Variants in FANCC observed in about 807,000 individuals in gnomAD.
FANCC encodes FA complementation group C, also known as Fanconi anemia group C protein.
FANCC carries 55 observed loss-of-function variants against 71.3 expected under a neutral mutation model. That is an observed-to-expected ratio of 0.77 (90% confidence interval 0.62 to 0.97). The LOEUF is 0.97. FANCC is among the 50% of genes least tolerant of loss of function. The pLI, the probability that FANCC is intolerant of heterozygous loss-of-function variation, is 0.00. For synonymous variants in FANCC, 275 were observed against 244.9 expected, an observed-to-expected ratio of 1.12 and a Z score of -1.15; for missense variants, 678 against 670.9, an observed-to-expected ratio of 1.01 and a Z score of -0.12.
intron 4 of FANCC, among the ~76,000 whole-genome samples, chr9:95,173,762 A>G (rs750878445): frequency 6.6e-6 from 1 of 152,042 alleles, no homozygotes; most frequent in Non-Finnish European, 1.5e-5. Context: ...TAAAAAATAC[A>G]AAAAAATTAG....
Position 95,209,022 on chromosome 9 carries a change from G to A in FANCC, c.345+31627C>T, listed in dbSNP as rs549631217. ...CTTGAAAGCAACCAAGATGACCTTC[G>A]GTAGGTGAATGGATAAGCTGTAATA... On this transcript the variant is annotated intron_variant, in intron 4 of 14. Coordinates refer to ENST00000289081, the MANE Select transcript of FANCC (RefSeq NM_000136.3). 5.3e-5 allele frequency among the ~76,000 whole-genome samples: 8 copies of A among 152,140 alleles called. No homozygotes were observed. In the South Asian group the frequency reaches 1.7e-3, roughly 32 times the overall value.
At chr9:95,237,803 A>AG (rs1830409607) in intron 4 of FANCC, among the ~76,000 whole-genome samples, 1 of 152,252 alleles carries the variant, frequency 6.6e-6, no homozygotes, top group Admixed American at 6.5e-5. Flanking sequence ...TTAGCGTAAC[A>AG]TACACAGTGG....
intron 8 of FANCC, among the ~76,000 whole-genome samples, chr9:95,132,180 G>C (rs974716296): frequency 6.6e-6 from 1 of 152,182 alleles, no homozygotes; most frequent in Admixed American, 6.5e-5. Context: ...GCAAATGGGA[G>C]GGCATGAGAA....
At chr9:95,300,756 A>G (rs1834673514) in intron 1 of FANCC, among the ~76,000 whole-genome samples, 1 of 152,266 alleles carries the variant, frequency 6.6e-6, no homozygotes, top group South Asian at 2.1e-4. Context: ...TTGTTACACC[A>G]AATATTACTG....
chr9:95,244,698 A>C (rs1380761957), intron 3 of FANCC, among the ~76,000 whole-genome samples: 9 of 148,998 alleles, frequency 6.0e-5, no homozygotes, highest in Admixed American at 3.3e-4. Context: ...AAAAAAAAAA[A>C]AAAAAAAAAA....
chr9:95,239,061 T>C (rs1158940733), intron 4 of FANCC, among the ~76,000 whole-genome samples: 2 of 152,196 alleles, frequency 1.3e-5, no homozygotes, highest in Non-Finnish European at 2.9e-5. Context: ...ATACTTTGCA[T>C]AGTCTGTTTC....
chr9:95,295,921 A>G (rs981862306), intron 1 of FANCC, among the ~76,000 whole-genome samples: 1 of 152,236 alleles, frequency 6.6e-6, no homozygotes, highest in Non-Finnish European at 1.5e-5. Context: ...ATGGCTAACA[A>G]TATTATGCTG....
intron 1 of FANCC, chr9:95,293,210 CAA>C: frequency 6.2e-7 from 1 of 1,612,864 alleles, no homozygotes; most frequent in Non-Finnish European, 8.5e-7. Flanking sequence ...GAGATAGCCT[CAA>C]AAGTTGCTTT....
At chr9:95,300,617 A>AT (rs994589704) in intron 1 of FANCC, among the ~76,000 whole-genome samples, 4 of 151,540 alleles carry the variant, frequency 2.6e-5, no homozygotes, top group African/African-American at 4.8e-5. Flanking sequence ...CGCCTGGCTA[A>AT]TTTTTTTTTG....
chr9:95,146,363 C>T (rs751895027), intron 7 of FANCC, among the ~76,000 whole-genome samples: 7 of 151,556 alleles, frequency 4.6e-5, no homozygotes, highest in Non-Finnish European at 1.0e-4. Context: ...TAGCACACAC[C>T]TGTGGTCCCA....
chr9:95,138,707 T>C (rs634726), intron 7 of FANCC, among the ~76,000 whole-genome samples: 108,478 of 152,150 alleles, frequency 0.71, 39,691 homozygotes, highest in East Asian at 0.91. Context: ...TCATTCATCC[T>C]GCCAGGTGGT....
At chr9:95,177,333 A>G (rs1240497465) in intron 4 of FANCC, among the ~76,000 whole-genome samples, 1 of 152,224 alleles carries the variant, frequency 6.6e-6, no homozygotes, top group African/African-American at 2.4e-5. Context: ...TGTATAGGAC[A>G]CTTCCCATGA....
chr9:95,113,039 G>A (rs968645098), intron 12 of FANCC, among the ~76,000 whole-genome samples: 2 of 152,200 alleles, frequency 1.3e-5, no homozygotes, highest in African/African-American at 2.4e-5. Context: ...CTGCATCTAC[G>A]TCCTGTCCCC....
chr9:95,293,539 G>C (rs1834184882), intron 1 of FANCC: 3 of 1,609,424 alleles, frequency 1.9e-6, no homozygotes, highest in Middle Eastern at 3.3e-4. Flanking sequence ...CAAGAACTAG[G>C]GAACACATGT....
At chr9:95,154,829 C>T (rs1247833072) in intron 6 of FANCC, among the ~76,000 whole-genome samples, 2 of 152,010 alleles carry the variant, frequency 1.3e-5, no homozygotes, top group Non-Finnish European at 2.9e-5. Flanking sequence ...GCAACAGGCA[C>T]ACAGTTTTTC....
chr9:95,162,084 C>T (rs1261011421), intron 6 of FANCC, among the ~76,000 whole-genome samples: 7 of 152,164 alleles, frequency 4.6e-5, no homozygotes, highest in African/African-American at 1.4e-4. Context: ...TCCGGTGATC[C>T]GCCTGCCTTG....
Position 95,107,240 on chromosome 9 carries a change from G to A in FANCC, c.1359C>T (p.Leu453=). The part of the protein sequence containing the change: ...MVQVKAVLGH[L]LAMSRSSSLS... ...GGCTGCTGCTTCTGGACATTGCCAGGAGGTGGCCCAGCACGGCCTTCACCT... is the reference window on the plus strand; with the variant it reads ...GGCTGCTGCTTCTGGACATTGCCAGAAGGTGGCCCAGCACGGCCTTCACCT... Residue 453 remains leucine (L), a synonymous_variant, in exon 14 of 15, where the codon CTC becomes CTT. Transcript: ENST00000289081. 6.2e-7 allele frequency: 1 copy of A among 1,614,116 alleles called. No individual in the cohort carries two copies. Among genetic ancestry groups the A allele is most frequent in the Non-Finnish European group, 8.5e-7 (1 of 1,180,014 alleles).
intron 1 of FANCC, among the ~76,000 whole-genome samples, chr9:95,254,176 ACTAT>A (rs545311295): frequency 6.9e-4 from 105 of 152,370 alleles, no homozygotes; most frequent in Admixed American, 1.4e-3. Flanking sequence ...TGTGGCAATG[ACTAT>A]CTATCCACAT....
chr9:95,266,014 G>A (rs1424970052), intron 1 of FANCC, among the ~76,000 whole-genome samples: 1 of 152,164 alleles, frequency 6.6e-6, no homozygotes, highest in African/African-American at 2.4e-5. Flanking sequence ...AAACGATCCT[G>A]AGCTAAGCAG....
Sources: allele counts gnomAD v4.1 joint callset (sites outside exome capture counted in the v4.1 genomes callset), GRCh38; gene constraint gnomAD v4.1.1; transcripts MANE v1.5; gene names NCBI Gene and HGNC (gene_info 2026-07-23, HGNC 2026-07-21).